Variants in ZMIZ1 observed in about 807,000 individuals in gnomAD.
ZMIZ1 encodes zinc finger MIZ-type containing 1, also known as zinc finger MIZ domain-containing protein 1.
A neutral mutation model predicts 113.9 loss-of-function variants in ZMIZ1; 17 were observed. The observed-to-expected ratio is 0.15, with a 90% CI of 0.10 to 0.22. The LOEUF (loss-of-function observed/expected upper bound fraction) is 0.22, where lower values mean the gene tolerates loss of function less well. Ranked by LOEUF, ZMIZ1 falls within the 10% of genes least tolerant of loss-of-function variation. ZMIZ1 has a pLI of 1.00. For synonymous variants in ZMIZ1, 607 were observed against 603.1 expected, an observed-to-expected ratio of 1.01 and a Z score of -0.09; for missense variants, 1,059 against 1,477.8, an observed-to-expected ratio of 0.72 and a Z score of 4.65.
chr10:79,095,565 T>C (rs1272298331), intron 1 of ZMIZ1, among the ~76,000 whole-genome samples: 1 of 152,156 alleles, frequency 6.6e-6, no homozygotes, highest in Non-Finnish European at 1.5e-5. Flanking sequence ...GCCTCATCCT[T>C]CTTACCTGAC....
chr10:79,282,721 ATAGCC>A, intron 8 of ZMIZ1, among the ~76,000 whole-genome samples: 1 of 152,218 alleles, frequency 6.6e-6, no homozygotes, highest in South Asian at 2.1e-4. Flanking sequence ...TCAGGCTGCC[ATAGCC>A]CCGCAGCTAT....
intron 1 of ZMIZ1, among the ~76,000 whole-genome samples, chr10:79,106,256 A>C (rs1312168036): frequency 6.6e-6 from 1 of 152,230 alleles, no homozygotes; most frequent in Non-Finnish European, 1.5e-5. Flanking sequence ...GCTCTCCCAG[A>C]TGTGGCTGAA....
intron 2 of ZMIZ1, among the ~76,000 whole-genome samples, chr10:79,135,860 G>T (rs1480191619): frequency 5.9e-5 from 9 of 152,222 alleles, no homozygotes; most frequent in Non-Finnish European, 1.3e-4. Flanking sequence ...AGCCGGCAGT[G>T]AGCCCAGTTC....
chr10:79,291,424 C>T (rs1853488532), intron 10 of ZMIZ1, among the ~76,000 whole-genome samples: 1 of 152,238 alleles, frequency 6.6e-6, no homozygotes, highest in Non-Finnish European at 1.5e-5. Context: ...GACATTCTTA[C>T]TCCTCAAAAC....
At chr10:79,262,255 T>G (rs1483060143) in intron 7 of ZMIZ1, among the ~76,000 whole-genome samples, 2 of 152,246 alleles carry the variant, frequency 1.3e-5, no homozygotes, top group Non-Finnish European at 1.5e-5. Flanking sequence ...ACCTGAGACC[T>G]GGCTAGAAAT....
chr10:79,301,003 G>A, intron 17 of ZMIZ1, 61 bp downstream of exon 17: 2 of 1,587,088 alleles, frequency 1.3e-6, no homozygotes, highest in East Asian at 2.2e-5. Flanking sequence ...CGGCATGAGA[G>A]TGCGGAATAC....
chr10:79,310,736 AT>A (rs1855087139), intron 23 of ZMIZ1, among the ~76,000 whole-genome samples, 187 bp from the exon 24 acceptor site: 2 of 151,952 alleles, frequency 1.3e-5, no homozygotes, highest in Non-Finnish European at 2.9e-5. Flanking sequence ...AGCCTCCCTG[AT>A]GGGCGGTTTT....
At chr10:79,307,289 A>G in intron 22 of ZMIZ1, 116 bp from the exon 23 acceptor site, 3 of 1,072,962 alleles carry the variant, frequency 2.8e-6, no homozygotes, top group South Asian at 1.5e-5. Context: ...GTGACCTACT[A>G]CAGCCTCGCA....
chr10:79,142,357 G>A (rs897193523), intron 3 of ZMIZ1, among the ~76,000 whole-genome samples: 4 of 152,158 alleles, frequency 2.6e-5, no homozygotes, highest in African/African-American at 9.7e-5. Context: ...GAGAGTGTGT[G>A]GCGCTTGAGA....
At chr10:79,160,527 A>G (rs912365165) in intron 3 of ZMIZ1, among the ~76,000 whole-genome samples, 7 of 152,208 alleles carry the variant, frequency 4.6e-5, no homozygotes, top group Non-Finnish European at 1.0e-4. Context: ...TATATCCCCT[A>G]CAACAGTTGA....
chr10:79,165,339 G>A (rs1411137184), intron 4 of ZMIZ1, among the ~76,000 whole-genome samples: 2 of 152,190 alleles, frequency 1.3e-5, no homozygotes, highest in Non-Finnish European at 2.9e-5. Flanking sequence ...TGGCCCTAAT[G>A]TGGGACCAGG....
chr10:79,305,381 C>A, intron 20 of ZMIZ1, 150 bp downstream of exon 20: 1 of 1,211,794 alleles, frequency 8.3e-7, no homozygotes, highest in South Asian at 1.3e-5. Flanking sequence ...CAGGTGGTCC[C>A]TTGGTATCAC....
chr10:79,256,990 G>C (rs1323593926), intron 7 of ZMIZ1, among the ~76,000 whole-genome samples: 1 of 152,250 alleles, frequency 6.6e-6, no homozygotes, highest in Non-Finnish European at 1.5e-5. Flanking sequence ...TTCTATGTGA[G>C]TGCTTCTTCC....
At chr10:79,253,638 A>C (rs564616850) in intron 7 of ZMIZ1, among the ~76,000 whole-genome samples, 1 of 152,288 alleles carries the variant, frequency 6.6e-6, no homozygotes, top group Admixed American at 6.5e-5. Context: ...TCTACCTTCC[A>C]AGTCCGAGGC....
chr10:79,143,452 C>G (rs1316795975), intron 3 of ZMIZ1, among the ~76,000 whole-genome samples: 1 of 152,172 alleles, frequency 6.6e-6, no homozygotes, highest in Admixed American at 6.5e-5. Context: ...GATGCTCTTC[C>G]CCTTCAGCGT....
intron 7 of ZMIZ1, among the ~76,000 whole-genome samples, chr10:79,222,069 G>A (rs577598973): frequency 6.6e-6 from 1 of 152,376 alleles, no homozygotes; most frequent in South Asian, 2.1e-4. Context: ...CCACCACTGA[G>A]GAAGAGGCCA....
intron 23 of ZMIZ1, among the ~76,000 whole-genome samples, chr10:79,309,150 G>A (rs923599040): frequency 2.0e-5 from 3 of 152,224 alleles, no homozygotes; most frequent in African/African-American, 7.2e-5. Flanking sequence ...TGCCATGCCC[G>A]CAGAGACTGG....
chr10:79,299,003 A>G (rs1266958710), intron 15 of ZMIZ1, 47 bp from the exon 16 acceptor site: 3 of 1,571,536 alleles, frequency 1.9e-6, no homozygotes, highest in Admixed American at 1.7e-5. Flanking sequence ...CCCAGAACCC[A>G]TGGCAGCTGA....
intron 19 of ZMIZ1, 151 bp downstream of exon 19, chr10:79,304,326 C>T: frequency 8.6e-7 from 1 of 1,161,552 alleles, no homozygotes; most frequent in Non-Finnish European, 1.2e-6. Context: ...TTAATTTCCG[C>T]CATCATTTAT....
Sources: allele counts gnomAD v4.1 joint callset (sites outside exome capture counted in the v4.1 genomes callset), GRCh38; gene constraint gnomAD v4.1.1; transcripts MANE v1.5; gene names NCBI Gene and HGNC (gene_info 2026-07-23, HGNC 2026-07-21).